The following VPS33B variants were observed in gnomAD, a reference collection of about 807,000 sequenced individuals.
VPS33B encodes vacuolar protein sorting-associated protein 33B.
In VPS33B, 80 loss-of-function variants were observed where a neutral mutation model predicts 95.3. The ratio of observed to expected loss-of-function variants is 0.84; its 90% CI spans 0.70 to 1.01. The LOEUF is 1.01. Among genes scored for constraint, VPS33B ranks in the 50% least tolerant of loss-of-function variants. The pLI is 0.00. For missense variants in VPS33B, 715 were observed against 773.4 expected, an observed-to-expected ratio of 0.92 and a Z score of 0.90; for synonymous variants, 280 against 280.4, an observed-to-expected ratio of 1.00 and a Z score of 0.01.
At chr15:91,017,923 A>G (rs1455651482) in intron 1 of VPS33B, 38 bp from the exon 2 acceptor site, 1 of 1,605,542 alleles carries the variant, frequency 6.2e-7, no homozygotes, top group East Asian at 2.2e-5. Context: ...CTCACAGGTC[A>G]CATGAGCTTC....
At position 91,005,461 on chromosome 15, in the gene VPS33B, G is replaced by A. The variant is rs570662663; in HGVS notation, c.1031-7C>T. 1.2e-6 allele frequency: 2 copies of A among 1,614,054 alleles called. No homozygotes were observed. Among genetic ancestry groups the A allele is most frequent in the Admixed American group, 3.3e-5 (2 of 60,008 alleles). ...GATTCACAGGCCCCAATATCTGCAG[G>A]TTGGACAAAGGGAGCTGACATACTC... On this transcript the variant is annotated splice_polypyrimidine_tract_variant and splice_region_variant and intron_variant, in intron 13 of 22. Transcript: ENST00000333371. The surrounding 1 kb of genome is among the most constrained non-coding windows in gnomAD (Gnocchi z 6.4).
chr15:91,004,524 A>T (rs550726026), intron 16 of VPS33B, among the ~76,000 whole-genome samples: 9 of 152,268 alleles, frequency 5.9e-5, no homozygotes, highest in East Asian at 3.9e-4. Context: ...AATAAATAAA[A>T]TAAATGTTCA....
At chr15:91,008,261 C>A (rs1345569978) in intron 6 of VPS33B, among the ~76,000 whole-genome samples, 1 of 152,102 alleles carries the variant, frequency 6.6e-6, no homozygotes, top group Non-Finnish European at 1.5e-5. Context: ...TTCATTCATT[C>A]ATTATTTATT....
chr15:91,002,056 C>T lies in VPS33B; in HGVS notation c.1399G>A (p.Ala467Thr). The change falls in exon 18 of 23, where the codon GCT becomes ACT. Residue 467 changes from alanine to threonine, a missense_variant. Coordinates refer to ENST00000333371, the MANE Select transcript of VPS33B (RefSeq NM_018668.5). The surrounding 1 kb of genome is among the most constrained non-coding windows in gnomAD (Gnocchi z 4.7). ...SKVSKLVTDKAAGKITDAFSS... is the reference protein window; with the variant it reads ...SKVSKLVTDKTAGKITDAFSS... Reference sequence around the variant, plus strand: ...ACTTGTGCTCCCTGCTTACCTGCAGCCTTGTCGGTCACCAGCTTGCTCACT... The same window carrying T: ...ACTTGTGCTCCCTGCTTACCTGCAGTCTTGTCGGTCACCAGCTTGCTCACT... 1 of 1,613,978 alleles carries T rather than the reference C, an allele frequency of 6.2e-7. No individual in the cohort carries two copies. The highest frequency in any genetic ancestry group is 8.5e-7 in the Non-Finnish European group (1 of 1,180,036).
rs2040601561 is a variant in VPS33B at position 91,006,311 on chromosome 15, C to T, written c.852+61G>A. 6.3e-7 allele frequency: 1 copy of T among 1,584,098 alleles called. No homozygotes were observed. Among genetic ancestry groups the T allele is most frequent in the Non-Finnish European group, 8.6e-7 (1 of 1,159,756 alleles). ...CCCACAGCCTGGTATAAGCAGGGGG[C>T]CCACAGCCTGGTATAAGCAGTGGCC... On this transcript the variant is annotated intron_variant, in intron 11 of 22. Transcript: ENST00000333371. This position sits in a 1 kb window ranked among gnomAD's most constrained non-coding sequence, Gnocchi z 5.4.
Position 91,001,453 on chromosome 15 carries a change from G to C in VPS33B, c.1415C>G (p.Thr472Ser). 1 of 1,614,050 alleles carries C rather than the reference G, an allele frequency of 6.2e-7. No individual in the cohort carries two copies. The highest frequency in any genetic ancestry group is 8.5e-7 in the Non-Finnish European group (1 of 1,179,908). The part of the protein sequence containing the change: ...LVTDKAAGKI[T>S]DAFSSLAKRS... ...CTTGGCCAGAGAACTGAAGGCATCA[G>C]TAATCTTTCCTGGGGAAGAAATCTG... The change falls in exon 19 of 23, where the codon ACT (threonine) becomes AGT (serine). Residue 472 changes from threonine (T) to serine (S), a missense_variant. By Grantham distance (58) the Thr-to-Ser change is moderately conservative. Coordinates refer to ENST00000333371, the MANE Select transcript of VPS33B (RefSeq NM_018668.5).
At chr15:91,012,990 A>G (rs1458648239) in intron 5 of VPS33B, among the ~76,000 whole-genome samples, 2 of 152,116 alleles carry the variant, frequency 1.3e-5, no homozygotes, top group African/African-American at 4.8e-5. Flanking sequence ...GGTTCTAGTA[A>G]CCCAGGGGCA....
rs2040946787 is a variant in VPS33B at position 91,016,973 on chromosome 15, A to G, written c.229T>C (p.Ser77Pro). ...CTCCCAGACACTCACTGTTCATTGG[A>G]GCTGAGGGCTGGCTTGTTCTCCACC... The part of the protein sequence containing the change: ...YKVENKPALS[S>P]NEQLCFLVRP... Residue 77 changes from serine to proline, a missense_variant, in exon 3 of 23, where the codon TCC (serine) becomes CCC (proline). Coordinates refer to ENST00000333371, the MANE Select transcript of VPS33B (RefSeq NM_018668.5). 6.2e-7 allele frequency: 1 copy of G among 1,613,820 alleles called. No homozygotes were observed. The highest frequency in any genetic ancestry group is 1.3e-5 in the African/African-American group (1 of 74,876).
chr15:91,017,755 A>T, intron 2 of VPS33B, 50 bp downstream of exon 2: 1 of 1,578,970 alleles, frequency 6.3e-7, no homozygotes, highest in South Asian at 1.1e-5. Context: ...GTTCATCAAA[A>T]GAAAAACTGC....
In VPS33B at chr15:91,017,815, G is replaced by T; in HGVS notation, c.167C>A (p.Ser56Tyr). The T allele has an allele frequency of 1.2e-6, 2 of 1,614,096 alleles. No individual in the cohort carries two copies. The highest frequency in any genetic ancestry group is 8.5e-7 in the Non-Finnish European group (1 of 1,179,982). The part of the protein sequence containing the change: ...MSPLDRIANV[S>Y]ILKQHEVDKL... The stretch of plus-strand genomic sequence containing the variant: ...GGAAAGGGACAGTACCTTCAGGATG[G>T]AGACATTGGCAATTCGATCCAAAGG... The change falls in exon 2 of 23, where the codon TCC (serine) becomes TAC (tyrosine). Residue 56 changes from serine (S) to tyrosine (Y), a missense_variant. By Grantham distance (144) the Ser-to-Tyr change is moderately radical (BLOSUM62 -2). Transcript: ENST00000333371.
chr15:91,005,850 G>A lies in VPS33B; in HGVS notation c.940-66C>T. ...CACGAGAAACCACCACCCTCCCTCA[G>A]TTGCCATCCATCCATGAGAAAGGAC... On this transcript the variant is annotated intron_variant, in intron 12 of 22. Transcript: ENST00000333371. The surrounding 1 kb of genome is among the most constrained non-coding windows in gnomAD (Gnocchi z 6.4). 6.2e-7 allele frequency: 1 copy of A among 1,609,466 alleles called. No homozygotes were observed. The highest frequency in any genetic ancestry group is 8.5e-7 in the Non-Finnish European group (1 of 1,176,020).
At position 91,005,219 on chromosome 15, in the gene VPS33B, G is replaced by T; in HGVS notation, c.1106-100C>A. On this transcript the variant is annotated intron_variant, in intron 14 of 22. Coordinates refer to ENST00000333371, the MANE Select transcript of VPS33B (RefSeq NM_018668.5). The surrounding 1 kb of genome is among the most constrained non-coding windows in gnomAD (Gnocchi z 6.4). ...CTCCCCATCTCTTTCTCCATCCTTGGGGTGGGTTAAGGGACCCCCAGGACT... is the reference window on the plus strand; with the variant it reads ...CTCCCCATCTCTTTCTCCATCCTTGTGGTGGGTTAAGGGACCCCCAGGACT... 6.2e-7 allele frequency: 1 copy of T among 1,612,004 alleles called. No individual in the cohort carries two copies. The highest frequency in any genetic ancestry group is 1.1e-5 in the South Asian group (1 of 90,818).
chr15:91,016,182 G>A (rs113410588), intron 3 of VPS33B, among the ~76,000 whole-genome samples: 2,761 of 152,148 alleles, frequency 0.018, 82 homozygotes, highest in African/African-American at 0.064. Flanking sequence ...CAGGCAGAGC[G>A]AATGGAGTGA....
At position 91,018,328 on chromosome 15, in the gene VPS33B, A is replaced by G. The variant is rs1424062209; in HGVS notation, c.97-443T>C. Among the ~76,000 whole-genome samples, 11 of 152,086 alleles carry G rather than the reference A, an allele frequency of 7.2e-5. No individual in the cohort carries two copies. In the South Asian group the frequency reaches 1.0e-3, roughly 14 times the overall value. Reference sequence around the variant, plus strand: ...CACGTTCACTGCAGAAAACTTAGCAAACCCAGGACAGTCCTCACCCCATCA... The same window carrying G: ...CACGTTCACTGCAGAAAACTTAGCAGACCCAGGACAGTCCTCACCCCATCA... On this transcript the variant is annotated intron_variant, in intron 1 of 22. Transcript: ENST00000333371. The surrounding 1 kb of genome is among the most constrained non-coding windows in gnomAD (Gnocchi z 4.7).
chr15:91,007,956 A>G lies in VPS33B; in HGVS notation c.412T>C (p.Cys138Arg). 1 of 1,614,230 alleles carries G rather than the reference A, an allele frequency of 6.2e-7. No homozygotes were observed. The highest frequency in any genetic ancestry group is 8.5e-7 in the Non-Finnish European group (1 of 1,180,038). The change falls in exon 7 of 23, where the codon TGT becomes CGT. Residue 138 changes from cysteine (C) to arginine (R), a missense_variant. Physicochemically the swap from Cys to Arg is radical, Grantham distance 180. Coordinates refer to ENST00000333371, the MANE Select transcript of VPS33B (RefSeq NM_018668.5). This position sits in a 1 kb window ranked among gnomAD's most constrained non-coding sequence, Gnocchi z 5.3. ...AGCAAAGAGAAGGCCCATTCATCAC[A>G]GCTCACATCTGTGGGGACAGAGAGC... ...EEEGIYGDVS[C>R]DEWAFSLLPL... is the part of the protein sequence containing the mutation.
rs1272281030 is a variant in VPS33B, at chr15:91,017,365, T to TAAAAAAAAAAAAAAAAAAA, written c.178-342_178-341insTTTTTTTTTTTTTTTTTTT. On this transcript the variant is annotated intron_variant, in intron 2 of 22. Transcript: ENST00000333371. ...TAACAAGACTCCATCTCTACAAAATTAAATATATATATATATATATATATA... is the reference window on the plus strand; with the variant it reads ...TAACAAGACTCCATCTCTACAAAATTAAAAAAAAAAAAAAAAAAAAAATATATATATATATATATATATA... Among the ~76,000 whole-genome samples the TAAAAAAAAAAAAAAAAAAA allele has an allele frequency of 7.1e-4, 12 of 17,004 alleles. 2 individuals are homozygous for TAAAAAAAAAAAAAAAAAAA. Among genetic ancestry groups the TAAAAAAAAAAAAAAAAAAA allele is most frequent in the East Asian group, 4.8e-3 (2 of 420 alleles). The allele number at this position is 17,004 out of a possible 152,430, so 11.2% of individuals were successfully genotyped here. A position where few individuals can be genotyped will look rare whatever the true frequency, so the allele number is the denominator to read the frequency against.
At position 91,002,063 on chromosome 15, in the gene VPS33B, G is replaced by A. The variant is rs142845101; in HGVS notation, c.1392C>T (p.Thr464=). The change falls in exon 18 of 23, where the codon ACC becomes ACT. Residue 464 remains threonine, a synonymous_variant. Transcript: ENST00000333371. This position sits in a 1 kb window ranked among gnomAD's most constrained non-coding sequence, Gnocchi z 4.7. The part of the protein sequence containing the change: ...AVESKVSKLV[T]DKAAGKITDA... ...CTCCCTGCTTACCTGCAGCCTTGTC[G>A]GTCACCAGCTTGCTCACTTTACTCT... The A allele has an allele frequency of 6.3e-4, 1,010 of 1,614,024 alleles. 3 individuals carry two copies. In the African/African-American group the frequency reaches 0.012, roughly 19 times the overall value.
At position 91,007,158 on chromosome 15, in the gene VPS33B, G is replaced by T; in HGVS notation, c.604-112C>A. On this transcript the variant is annotated intron_variant, in intron 8 of 22. Transcript: ENST00000333371. The surrounding 1 kb of genome is among the most constrained non-coding windows in gnomAD (Gnocchi z 5.3). ...ACTTCCTCTTGTCCCCGAGACAGGA[G>T]CTAATTATTCACAATATGGCCCTAT... The T allele has an allele frequency of 8.4e-7, 1 of 1,191,224 alleles. No homozygotes were observed. The highest frequency in any genetic ancestry group is 1.2e-6 in the Non-Finnish European group (1 of 812,224). The allele number at this position is 1,191,224 out of a possible 1,614,324, so 73.8% of individuals were successfully genotyped here.
chr15:91,001,763 A>G (rs1237485325), intron 18 of VPS33B, among the ~76,000 whole-genome samples: 1 of 152,196 alleles, frequency 6.6e-6, no homozygotes, highest in Non-Finnish European at 1.5e-5. Flanking sequence ...ACCTTGGACA[A>G]ATCACTTAAT....
Sources: gnomAD v4.1 joint callset for allele counts (sites outside exome capture counted in the v4.1 genomes callset) on GRCh38, gnomAD v4.1.1 for gene constraint, Gnocchi (gnomAD v3.1) non-coding constraint, MANE v1.5 for transcripts, NCBI Gene and HGNC (gene_info 2026-07-23, HGNC 2026-07-21) for gene names.